The following CHID1 variants were observed in gnomAD, a reference collection of about 807,000 sequenced individuals.
The protein encoded by CHID1 is chitinase domain-containing protein 1.
CHID1 carries 44 observed loss-of-function variants against 55.4 expected under a neutral mutation model. The observed-to-expected ratio is 0.79, with a 90% CI of 0.62 to 1.02. The LOEUF is 1.02. Among genes scored for constraint, CHID1 ranks in the 50% least tolerant of loss-of-function variants. CHID1 has a pLI of 0.00. For synonymous variants in CHID1, 216 were observed against 212.9 expected (o/e 1.01, Z -0.13); for missense variants, 491 against 515.3 (o/e 0.95, Z 0.46).
intron 10 of CHID1, among the ~76,000 whole-genome samples, chr11:876,875 C>T (rs550446768): frequency 6.6e-6 from 1 of 152,186 alleles, no homozygotes; most frequent in African/African-American, 2.4e-5. Flanking sequence ...CAGGATGGGA[C>T]GTGGGGACGG....
Position 868,273 on chromosome 11 carries a change from G to A in CHID1, c.*1585C>T, listed in dbSNP as rs1848976865. The A allele has an allele frequency of 1.3e-5, 2 of 151,950 alleles. No individual in the cohort carries two copies. The highest frequency in any genetic ancestry group is 4.2e-4 in the South Asian group (2 of 4,804). The allele number at this position is 151,950 out of a possible 1,614,324, so 9.4% of individuals were successfully genotyped here. A position where few individuals can be genotyped will look rare whatever the true frequency, so the allele number is the denominator to read the frequency against. ...TGCCCCAAAGCCAGTGGCAGCTTGT[G>A]TTTTTTTAGACAAGGTTTTTGGAGT... On this transcript the variant is annotated 3_prime_UTR_variant, in exon 13 of 13. Coordinates refer to ENST00000323578, the MANE Select transcript of CHID1 (RefSeq NM_023947.4).
intron 10 of CHID1, among the ~76,000 whole-genome samples, chr11:881,268 A>AC (rs771744083): frequency 5.3e-5 from 8 of 151,954 alleles, no homozygotes; most frequent in Non-Finnish European, 1.2e-4. Context: ...ACATAGTGAG[A>AC]CCCCCATCTC....
rs576920719 is a variant in CHID1 at position 907,086 on chromosome 11, A to G, written c.-43-2227T>C. ...AGCAGGCTATCTGGAATTACTGGTC[A>G]TTGTTTCTTCTCTTTTACTTTATCT... On this transcript the variant is annotated intron_variant, in intron 1 of 12. Transcript: ENST00000323578. Among the ~76,000 whole-genome samples the G allele has an allele frequency of 2.0e-5, 3 of 152,318 alleles. No individual in the cohort carries two copies. In the East Asian group the frequency reaches 5.8e-4, roughly 29 times the overall value.
chr11:876,842 C>G (rs1849553696), intron 10 of CHID1, among the ~76,000 whole-genome samples: 1 of 152,242 alleles, frequency 6.6e-6, no homozygotes, highest in Non-Finnish European at 1.5e-5. Flanking sequence ...CAGGGACAGA[C>G]AGGGCAAGAG....
intron 10 of CHID1, among the ~76,000 whole-genome samples, chr11:878,025 C>T (rs1487655570): frequency 1.3e-5 from 2 of 152,236 alleles, no homozygotes; most frequent in East Asian, 3.8e-4. Flanking sequence ...GTACCACGGA[C>T]ACCCTGCACC....
intron 2 of CHID1, 71 bp from the exon 3 acceptor site, chr11:903,182 C>A (rs111457239): frequency 1.3e-6 from 2 of 1,485,282 alleles, no homozygotes; most frequent in Non-Finnish European, 1.8e-6. Context: ...CCCCACCCAG[C>A]AAGTCCCTTC....
At chr11:889,249 C>T (rs1850628159) in intron 8 of CHID1, among the ~76,000 whole-genome samples, 2 of 152,194 alleles carry the variant, frequency 1.3e-5, no homozygotes, top group African/African-American at 4.8e-5. Flanking sequence ...CAGCACAGCA[C>T]GACTCTCACG....
upstream of CHID1, among the ~76,000 whole-genome samples, chr11:912,845 A>G (rs1295165639): frequency 3.3e-5 from 5 of 151,930 alleles, no homozygotes; most frequent in Non-Finnish European, 7.4e-5. Flanking sequence ...CTCAAAAAAA[A>G]AAAAAAGAAA....
At chr11:892,149 G>A (rs964338396) in intron 8 of CHID1, among the ~76,000 whole-genome samples, 2 of 152,084 alleles carry the variant, frequency 1.3e-5, no homozygotes, top group African/African-American at 2.4e-5. Context: ...AAGACGCAGC[G>A]TGGGGGCCCC....
At chr11:882,871 A>G in intron 10 of CHID1, 1 of 391,842 alleles carries the variant, frequency 2.6e-6, no homozygotes, top group Non-Finnish European at 4.6e-6. Flanking sequence ...GCTGTGGGGC[A>G]AGGCTGACGG....
At position 903,020 on chromosome 11, in the gene CHID1, C is replaced by G; in HGVS notation, c.203G>C (p.Cys68Ser). The G allele has an allele frequency of 6.2e-7, 1 of 1,614,026 alleles. No individual in the cohort carries two copies. The highest frequency in any genetic ancestry group is 8.5e-7 in the Non-Finnish European group (1 of 1,180,018). ...GTGTCTGTCCCGGGCCTTTGCCGAGCAGTAGCTGCGATGCTCAAGAACCAC... is the reference window on the plus strand; with the variant it reads ...GTGTCTGTCCCGGGCCTTTGCCGAGGAGTAGCTGCGATGCTCAAGAACCAC... Reference protein sequence around the residue: ...ESVVLEHRSYCSAKARDRHFA... With the variant: ...ESVVLEHRSYSSAKARDRHFA... Residue 68 changes from cysteine to serine, a missense_variant, in exon 3 of 13, where the codon TGC (cysteine) becomes TCC (serine). Transcript: ENST00000323578.
intron 7 of CHID1, among the ~76,000 whole-genome samples, chr11:898,820 A>C (rs1851584186): frequency 6.6e-6 from 1 of 152,132 alleles, no homozygotes; most frequent in African/African-American, 2.4e-5. Context: ...GGCGTGAGGG[A>C]GTGCTGTGGC....
At chr11:882,943 G>T in intron 10 of CHID1, 1 of 555,874 alleles carries the variant, frequency 1.8e-6, no homozygotes, top group Non-Finnish European at 3.2e-6. Flanking sequence ...CAGATGTGTG[G>T]CCGTGTTATG....
intron 8 of CHID1, among the ~76,000 whole-genome samples, chr11:885,366 T>C (rs946292346): frequency 6.6e-6 from 1 of 152,204 alleles, no homozygotes; most frequent in Admixed American, 6.5e-5. Flanking sequence ...GACCAAGGTC[T>C]GGGCCTTCCT....
At chr11:884,830 C>T (rs1198839179) in intron 8 of CHID1, among the ~76,000 whole-genome samples, 1 of 152,242 alleles carries the variant, frequency 6.6e-6, no homozygotes, top group Admixed American at 6.5e-5. Context: ...CCTGTTCTGT[C>T]TGCCTGGCCC....
intron 8 of CHID1, among the ~76,000 whole-genome samples, chr11:890,016 C>T (rs1388507904): frequency 6.6e-6 from 1 of 151,216 alleles, no homozygotes; most frequent in African/African-American, 2.4e-5. Flanking sequence ...TCTCAGCCTG[C>T]AGGCCTAGCC....
chr11:906,865 C>A (rs1187938160), intron 1 of CHID1, among the ~76,000 whole-genome samples: 1 of 152,038 alleles, frequency 6.6e-6, no homozygotes, highest in Non-Finnish European at 1.5e-5. Context: ...CCTGTCTCTA[C>A]TGAAAATACA....
intron 10 of CHID1, among the ~76,000 whole-genome samples, chr11:880,975 A>T (rs754845325): frequency 6.6e-6 from 1 of 152,222 alleles, no homozygotes; most frequent in Non-Finnish European, 1.5e-5. Flanking sequence ...GGCCCACAGG[A>T]AGGCAGCATA....
chr11:876,450 C>T (rs541072914), intron 10 of CHID1, among the ~76,000 whole-genome samples: 67 of 152,314 alleles, frequency 4.4e-4, no homozygotes, highest in Admixed American at 4.6e-4. Context: ...GAGCTGCGAA[C>T]ACGGCCCCTC....
Sources: gnomAD v4.1 joint callset for allele counts (sites outside exome capture counted in the v4.1 genomes callset) on GRCh38, gnomAD v4.1.1 for gene constraint, MANE v1.5 for transcripts, NCBI Gene and HGNC (gene_info 2026-07-23, HGNC 2026-07-21) for gene names.